AK7: variants seen among roughly 807,000 people sequenced by gnomAD.
The protein encoded by AK7 is adenylate kinase 7, also known as ATP-AMP transphosphorylase 7.
Under a neutral mutation model 96.6 loss-of-function variants are expected in AK7, and 78 were observed. The observed-to-expected ratio is 0.81, with a 90% CI of 0.67 to 0.97. The LOEUF is 0.97. Ranked by LOEUF, AK7 falls within the 50% of genes least tolerant of loss-of-function variation. AK7 has a pLI of 0.00. For missense variants in AK7, 855 were observed against 887.9 expected, an observed-to-expected ratio of 0.96 and a Z score of 0.47; for synonymous variants, 302 against 317.2, an observed-to-expected ratio of 0.95 and a Z score of 0.51.
At chr14:96,428,842 C>A (rs570065081) in intron 5 of AK7, among the ~76,000 whole-genome samples, 3 of 152,186 alleles carry the variant, frequency 2.0e-5, no homozygotes, top group African/African-American at 4.8e-5. Flanking sequence ...TGTTTGAGTT[C>A]TTTGTAGATT....
intron 5 of AK7, among the ~76,000 whole-genome samples, chr14:96,424,497 AAAACCCC>A (rs1209501246): frequency 1.3e-5 from 2 of 152,212 alleles, no homozygotes; most frequent in Non-Finnish European, 2.9e-5. Context: ...TAACTTGGAG[AAAACCCC>A]AAACCCTCTG....
At chr14:96,464,544 C>CAAAAAA (rs375649324) in intron 12 of AK7, among the ~76,000 whole-genome samples, 2 of 57,662 alleles carry the variant, frequency 3.5e-5, no homozygotes, top group Admixed American at 2.9e-4. Flanking sequence ...GACCCTGTCC[C>CAAAAAA]AAAAAAAAAA....
At chr14:96,483,717 T>C (rs1305475009) in intron 16 of AK7, among the ~76,000 whole-genome samples, 7 of 152,030 alleles carry the variant, frequency 4.6e-5, no homozygotes, top group Admixed American at 3.9e-4. Context: ...TGAGCCACCA[T>C]GCCCAGCTTG....
intron 10 of AK7, among the ~76,000 whole-genome samples, chr14:96,452,667 CT>C (rs200803046): frequency 2.7e-5 from 4 of 150,566 alleles, no homozygotes; most frequent in African/African-American, 4.9e-5. Flanking sequence ...CTTTTCTTTT[CT>C]TTTTTTTTGA....
At chr14:96,436,956 C>G (rs963682061) in intron 5 of AK7, among the ~76,000 whole-genome samples, 2 of 151,874 alleles carry the variant, frequency 1.3e-5, no homozygotes, top group African/African-American at 4.8e-5. Flanking sequence ...AGCTCATCAT[C>G]ATGGCTCACC....
Position 96,488,683 on chromosome 14 carries a change from A to G in AK7, c.*340A>G, listed in dbSNP as rs552064196. On this transcript the variant is annotated 3_prime_UTR_variant, in exon 18 of 18. Coordinates refer to ENST00000267584, the MANE Select transcript of AK7 (RefSeq NM_152327.5). ...AAAATCAGACTATATATTGTAGACT[A>G]TGTATTATTCTAACATGTAGGCTAA... is the stretch of plus-strand genomic sequence containing the variant. 3.5e-4 allele frequency: 63 copies of G among 179,182 alleles called. No individual in the cohort carries two copies. Among genetic ancestry groups the G allele is most frequent in the African/African-American group, 1.5e-3 (62 of 42,650 alleles). 11.1% of individuals were successfully genotyped at this position (179,182 alleles called of 1,614,324 possible).
intron 3 of AK7, among the ~76,000 whole-genome samples, chr14:96,407,915 T>C (rs1014831563): frequency 1.3e-5 from 2 of 152,132 alleles, no homozygotes; most frequent in Non-Finnish European, 2.9e-5. Context: ...ATGAAGAATA[T>C]GTTAATGGAA....
intron 1 of AK7, among the ~76,000 whole-genome samples, chr14:96,394,839 G>C (rs1164717130): frequency 6.6e-6 from 1 of 152,096 alleles, no homozygotes; most frequent in Non-Finnish European, 1.5e-5. Flanking sequence ...AGCCAGGTGT[G>C]GTGGCTTGCG....
At chr14:96,414,946 G>T (rs970696976) in intron 4 of AK7, among the ~76,000 whole-genome samples, 1 of 151,848 alleles carries the variant, frequency 6.6e-6, no homozygotes, top group Non-Finnish European at 1.5e-5. Flanking sequence ...GTAGTGACAG[G>T]GTTTTGCCAT....
chr14:96,470,154 T>G (rs1160657067), intron 12 of AK7, among the ~76,000 whole-genome samples: 1 of 151,398 alleles, frequency 6.6e-6, no homozygotes, highest in East Asian at 1.9e-4. Context: ...TTATTGTCAT[T>G]GATAGAGTAA....
intron 4 of AK7, among the ~76,000 whole-genome samples, chr14:96,410,405 CAAG>C: frequency 6.6e-6 from 1 of 152,296 alleles, no homozygotes; most frequent in East Asian, 1.9e-4. Context: ...AAATAATGAA[CAAG>C]TTCAACAACG....
chr14:96,461,539 A>G (rs1297106095), intron 12 of AK7, among the ~76,000 whole-genome samples: 1 of 152,164 alleles, frequency 6.6e-6, no homozygotes, highest in Non-Finnish European at 1.5e-5. Context: ...AGAGACAAGA[A>G]TGTCTAATAA....
At chr14:96,457,330 G>T (rs772249311) in intron 11 of AK7, among the ~76,000 whole-genome samples, 1 of 152,072 alleles carries the variant, frequency 6.6e-6, no homozygotes, top group African/African-American at 2.4e-5. Context: ...CAAAGTGCTG[G>T]GATTACAAGT....
intron 16 of AK7, among the ~76,000 whole-genome samples, chr14:96,486,202 C>T (rs571970258): frequency 3.3e-5 from 5 of 152,292 alleles, no homozygotes; most frequent in African/African-American, 9.6e-5. Context: ...GATATAGTGG[C>T]TCAAATGATG....
chr14:96,477,480 T>C (rs552788264), intron 14 of AK7, among the ~76,000 whole-genome samples: 12 of 152,238 alleles, frequency 7.9e-5, no homozygotes, highest in Non-Finnish European at 1.5e-4. Flanking sequence ...CAGACACTGA[T>C]CTGGGCACCA....
rs530368733 is a variant in AK7, at chr14:96,471,149, T to C, written c.1358-329T>C. 2.6e-5 allele frequency among the ~76,000 whole-genome samples: 4 copies of C among 152,026 alleles called. No homozygotes were observed. In the South Asian group the frequency reaches 8.3e-4, roughly 32 times the overall value. ...GAGTTCAAGACTAGCCTGGGCAACA[T>C]TGCAAGATCCTTTCTCTACAAAACG... On this transcript the variant is annotated intron_variant, in intron 12 of 17. Coordinates refer to ENST00000267584, the MANE Select transcript of AK7 (RefSeq NM_152327.5).
At chr14:96,444,546 T>C (rs1347386730) in intron 7 of AK7, among the ~76,000 whole-genome samples, 1 of 152,108 alleles carries the variant, frequency 6.6e-6, no homozygotes, top group Non-Finnish European at 1.5e-5. Flanking sequence ...AAACTGAAAC[T>C]AAGCTGTTAC....
intron 10 of AK7, among the ~76,000 whole-genome samples, chr14:96,454,007 C>T (rs1893748566): frequency 6.6e-6 from 1 of 152,104 alleles, no homozygotes; most frequent in African/African-American, 2.4e-5. Flanking sequence ...TCTGACGGGG[C>T]CGCACTCCTC....
chr14:96,446,779 A>G (rs1893259012), intron 8 of AK7, among the ~76,000 whole-genome samples, 172 bp downstream of exon 8: 1 of 152,024 alleles, frequency 6.6e-6, no homozygotes, highest in Non-Finnish European at 1.5e-5. Context: ...CATCTCTACT[A>G]AAATACAAAA....
Sources: gnomAD v4.1 joint callset for allele counts (sites outside exome capture counted in the v4.1 genomes callset) on GRCh38, gnomAD v4.1.1 for gene constraint, MANE v1.5 for transcripts, NCBI Gene and HGNC (gene_info 2026-07-23, HGNC 2026-07-21) for gene names.